SLC39A9: variants seen among roughly 807,000 people sequenced by gnomAD.
SLC39A9 encodes the protein solute carrier family 39 member 9.
In SLC39A9, 14 loss-of-function variants were observed where a neutral mutation model predicts 28.4. The observed-to-expected ratio is 0.49, with a 90% CI of 0.33 to 0.77. The LOEUF is 0.77. SLC39A9 is among the 30% of genes least tolerant of loss of function. The pLI, the probability that SLC39A9 is intolerant of heterozygous loss-of-function variation, is 0.02. For synonymous variants in SLC39A9, 119 were observed against 149.6 expected, an observed-to-expected ratio of 0.80 and a Z score of 1.49; for missense variants, 283 against 381.1, an observed-to-expected ratio of 0.74 and a Z score of 2.14.
intron 6 of SLC39A9, among the ~76,000 whole-genome samples, chr14:69,456,239 A>G (rs1012405272): frequency 6.6e-6 from 1 of 152,240 alleles, no homozygotes; most frequent in African/African-American, 2.4e-5. Flanking sequence ...AACAAGCCAC[A>G]TAGCCGCTTT....
intron 1 of SLC39A9, among the ~76,000 whole-genome samples, chr14:69,420,604 G>A (rs1054598108): frequency 6.6e-6 from 1 of 152,154 alleles, no homozygotes; most frequent in East Asian, 1.9e-4. Context: ...TTCCAGCTTG[G>A]TTCCATTCTC....
At chr14:69,444,769 G>C (rs1412628148) in intron 3 of SLC39A9, among the ~76,000 whole-genome samples, 2 of 152,096 alleles carry the variant, frequency 1.3e-5, no homozygotes, top group African/African-American at 4.8e-5. Context: ...AATGAACTAT[G>C]GTATGTACAC....
rs1392001772 is a variant in SLC39A9 at position 69,462,106 on chromosome 14, G to C, written c.*3513G>C. The C allele has an allele frequency of 5.9e-6, 1 of 169,650 alleles. No individual in the cohort carries two copies. The highest frequency in any genetic ancestry group is 1.3e-5 in the Non-Finnish European group (1 of 79,296). The allele number at this position is 169,650 out of a possible 1,614,324, so 10.5% of individuals were successfully genotyped here. On this transcript the variant is annotated 3_prime_UTR_variant, in exon 7 of 7. Transcript: ENST00000336643. ...TAGACAACCATTTAGGAATTCTCTAGATATACTCAGCCTAACCCAGTGGCT... is the reference window on the plus strand; with the variant it reads ...TAGACAACCATTTAGGAATTCTCTACATATACTCAGCCTAACCCAGTGGCT...
intron 3 of SLC39A9, among the ~76,000 whole-genome samples, chr14:69,445,862 C>G (rs10138494): frequency 6.6e-6 from 1 of 151,938 alleles, no homozygotes; most frequent in South Asian, 2.1e-4. Context: ...TGGATGGGAG[C>G]GCTAACTGAA....
intron 2 of SLC39A9, among the ~76,000 whole-genome samples, chr14:69,427,001 A>T (rs1309776402): frequency 6.7e-6 from 1 of 148,824 alleles, no homozygotes; most frequent in Non-Finnish European, 1.5e-5. Context: ...TTTTTGACCC[A>T]AAATAATTTT....
chr14:69,435,061 C>A (rs185647110), intron 2 of SLC39A9, among the ~76,000 whole-genome samples: 2 of 152,286 alleles, frequency 1.3e-5, no homozygotes, highest in Non-Finnish European at 2.9e-5. Context: ...AATGTACATT[C>A]TCTTGTTCTG....
intron 3 of SLC39A9, among the ~76,000 whole-genome samples, chr14:69,449,773 G>C (rs1885515893): frequency 6.6e-6 from 1 of 152,192 alleles, no homozygotes; most frequent in Non-Finnish European, 1.5e-5. Flanking sequence ...GCTGCAGAAA[G>C]TAATGACCTT....
chr14:69,400,841 G>A (rs954608994), intron 1 of SLC39A9, among the ~76,000 whole-genome samples: 1 of 151,778 alleles, frequency 6.6e-6, no homozygotes, highest in Admixed American at 6.6e-5. Flanking sequence ...AAAAAATTAC[G>A]TGCATTACCT....
chr14:69,456,652 A>G (rs894683286), intron 6 of SLC39A9, among the ~76,000 whole-genome samples: 4 of 152,154 alleles, frequency 2.6e-5, no homozygotes, highest in South Asian at 2.1e-4. Context: ...AACCCTCCGC[A>G]TTTTACCCAG....
rs111495442 is a variant in SLC39A9, at chr14:69,461,696, G to A, written c.*3103G>A. ...ACTGCCTGGTTTTTCTCTTTTTCAA[G>A]GATTAGAACTAAGAGGACACACCAG... On this transcript the variant is annotated 3_prime_UTR_variant, in exon 7 of 7. Transcript: ENST00000336643. 0.021 allele frequency: 32,773 copies of A among 1,535,696 alleles called. 405 individuals are homozygous for A. Among genetic ancestry groups the A allele is most frequent in the African/African-American group, 0.025 (1,812 of 73,074 alleles).
intron 2 of SLC39A9, among the ~76,000 whole-genome samples, chr14:69,432,809 T>G (rs775662299): frequency 2.6e-5 from 4 of 152,188 alleles, no homozygotes; most frequent in Non-Finnish European, 4.4e-5. Context: ...TAGGGAGTCC[T>G]CCATGGTCAC....
chr14:69,418,268 T>A (rs955375020), intron 1 of SLC39A9, among the ~76,000 whole-genome samples: 1 of 152,102 alleles, frequency 6.6e-6, no homozygotes, highest in African/African-American at 2.4e-5. Context: ...GGATTATGTT[T>A]ATTGATTTGC....
intron 1 of SLC39A9, among the ~76,000 whole-genome samples, chr14:69,420,502 CT>C (rs934064966): frequency 6.6e-6 from 1 of 152,096 alleles, no homozygotes; most frequent in African/African-American, 2.4e-5. Flanking sequence ...CGAGGAGTAT[CT>C]TTGTGGTATT....
rs1158683394 is a variant in SLC39A9 at position 69,399,163 on chromosome 14, T to C, written c.-207T>C. The C allele has an allele frequency of 1.8e-6, 1 of 555,626 alleles. No individual in the cohort carries two copies. The highest frequency in any genetic ancestry group is 3.1e-6 in the Non-Finnish European group (1 of 318,274). The allele number at this position is 555,626 out of a possible 1,614,324, so 34.4% of individuals were successfully genotyped here. ...GGACCTTAGATTGCTGTAAGCTTTC[T>C]CTGGTGCTAATATCAGCAAAAAGGG... On this transcript the variant is annotated 5_prime_UTR_variant, in exon 1 of 7. Transcript: ENST00000336643.
At chr14:69,449,188 T>C (rs1471654408) in intron 3 of SLC39A9, among the ~76,000 whole-genome samples, 1 of 152,246 alleles carries the variant, frequency 6.6e-6, no homozygotes, top group African/African-American at 2.4e-5. Context: ...CTTGGAAAGT[T>C]GATGTAAGAA....
chr14:69,451,684 A>G (rs757604410), intron 3 of SLC39A9, among the ~76,000 whole-genome samples: 45 of 152,106 alleles, frequency 3.0e-4, no homozygotes, highest in Admixed American at 3.3e-4. Flanking sequence ...GCAAGGGGAG[A>G]GTTGCTTTGA....
In SLC39A9 at chr14:69,461,011, C is replaced by T; in HGVS notation, c.*2418C>T. 1.0e-6 allele frequency: 1 copy of T among 985,614 alleles called. No individual in the cohort carries two copies. The highest frequency in any genetic ancestry group is 1.2e-6 in the Non-Finnish European group (1 of 830,086). The allele number at this position is 985,614 out of a possible 1,614,324, so 61.1% of individuals were successfully genotyped here. On this transcript the variant is annotated 3_prime_UTR_variant, in exon 7 of 7. Coordinates refer to ENST00000336643, the MANE Select transcript of SLC39A9 (RefSeq NM_018375.5). The stretch of plus-strand genomic sequence containing the variant: ...CCAGGAGAGGCCATGTCCGTGTTCA[C>T]TTCTTGGCACATTTCAGTTCCGTTT...
intron 2 of SLC39A9, chr14:69,428,860 A>C (rs1884336494): frequency 1.3e-5 from 2 of 152,202 alleles, no homozygotes. Flanking sequence ...ATGAACCATA[A>C]CATCTGCGTA....
At position 69,459,540 on chromosome 14, in the gene SLC39A9, GT is replaced by G; in HGVS notation, c.*949del. 1 of 973,042 alleles carries G rather than the reference GT, an allele frequency of 1.0e-6. No individual in the cohort carries two copies. The highest frequency in any genetic ancestry group is 4.8e-5 in the South Asian group (1 of 20,826). 60.3% of individuals were successfully genotyped at this position (973,042 alleles called of 1,614,324 possible). A position where few individuals can be genotyped will look rare whatever the true frequency, so the allele number is the denominator to read the frequency against. Reference sequence around the variant, plus strand: ...TTTTAAAAGACTACCAAAATGTATGGTTGTCCTTTTTTTTTGTTTTTTTTTT... The same window carrying G: ...TTTTAAAAGACTACCAAAATGTATGGTGTCCTTTTTTTTTGTTTTTTTTTT... On this transcript the variant is annotated 3_prime_UTR_variant, in exon 7 of 7. Transcript: ENST00000336643.
Sources: gnomAD v4.1 joint callset for allele counts (sites outside exome capture counted in the v4.1 genomes callset) on GRCh38, gnomAD v4.1.1 for gene constraint, MANE v1.5 for transcripts, NCBI Gene and HGNC (gene_info 2026-07-23, HGNC 2026-07-21) for gene names.